Variants in UCKL1 observed in about 807,000 individuals in gnomAD.
UCKL1 encodes the protein uridine-cytidine kinase 1 like 1, also known as uridine-cytidine kinase-like 1.
A neutral mutation model predicts 59.2 loss-of-function variants in UCKL1; 65 were observed. The observed-to-expected ratio is 1.10, with a 90% CI of 0.90 to 1.35. The LOEUF (loss-of-function observed/expected upper bound fraction) is 1.35, where lower values mean the gene tolerates loss of function less well. Among genes scored for constraint, UCKL1 ranks in the 40% most tolerant of loss-of-function variants. UCKL1 has a pLI of 0.00. For synonymous variants in UCKL1, 410 were observed against 323.1 expected, an observed-to-expected ratio of 1.27 and a Z score of -2.88; for missense variants, 703 against 784.3, an observed-to-expected ratio of 0.90 and a Z score of 1.24.
chr20:63,948,960 GCA>G (rs1467795183), intron 1 of UCKL1, among the ~76,000 whole-genome samples: 10 of 145,620 alleles, frequency 6.9e-5, no homozygotes, highest in Non-Finnish European at 7.7e-5. Flanking sequence ...GTGTCCGTGT[GCA>G]CACACAGGGG....
chr20:63,945,529 T>G, intron 5 of UCKL1, 122 bp downstream of exon 5: 1 of 976,926 alleles, frequency 1.0e-6, no homozygotes, highest in South Asian at 1.8e-5. Context: ...GGGTAGGGAG[T>G]GGCTGGCCTA....
rs1193929993 is a variant in UCKL1 at position 63,942,863 on chromosome 20, CGAG to C, written c.923+787_923+789del. On this transcript the variant is annotated intron_variant, in intron 8 of 14. Coordinates refer to ENST00000354216, the MANE Select transcript of UCKL1 (RefSeq NM_017859.4). ...GGACAAGACCTGCGGGTTCCTAGGC[CGAG>C]GAGAGGGCCAAGCGGAGACTCATGC... 1.2e-4 allele frequency: 48 copies of C among 386,758 alleles called. No individual in the cohort carries two copies. The East Asian group carries it at 3.0e-3, about 25-fold the overall frequency. 24.0% of individuals were successfully genotyped at this position (386,758 alleles called of 1,614,324 possible). A position where few individuals can be genotyped will look rare whatever the true frequency, so the allele number is the denominator to read the frequency against.
chr20:63,946,663 C>G lies in UCKL1; in HGVS notation c.114-20G>C. 1 of 1,601,102 alleles carries G rather than the reference C, an allele frequency of 6.2e-7. No homozygotes were observed. The highest frequency in any genetic ancestry group is 8.5e-7 in the Non-Finnish European group (1 of 1,178,228). On this transcript the variant is annotated intron_variant, in intron 1 of 14. Transcript: ENST00000354216. ...TTGCTGCTGCAGAGAGGGATGTACTCGGATGTGGCCCAGAGCTGCCCACCT... is the reference window on the plus strand; with the variant it reads ...TTGCTGCTGCAGAGAGGGATGTACTGGGATGTGGCCCAGAGCTGCCCACCT...
intron 7 of UCKL1, 146 bp downstream of exon 7, chr20:63,944,251 G>T: frequency 1.3e-6 from 1 of 781,032 alleles, no homozygotes; most frequent in Non-Finnish European, 2.0e-6. Context: ...GACTGGCCAA[G>T]CAGGCTCAGG....
At chr20:63,943,795 G>C (rs932677258) in intron 7 of UCKL1, 126 bp from the exon 8 acceptor site, 34 of 1,401,206 alleles carry the variant, frequency 2.4e-5, no homozygotes, top group Non-Finnish European at 3.3e-5. Flanking sequence ...CAGCCATGGG[G>C]GGTGGCAAGC....
At position 63,941,207 on chromosome 20, in the gene UCKL1, C is replaced by A; in HGVS notation, c.925G>T (p.Ala309Ser). 6.6e-7 allele frequency: 1 copy of A among 1,523,564 alleles called. No homozygotes were observed. The allele number at this position is 1,523,564 out of a possible 1,614,324, so 94.4% of individuals were successfully genotyped here. The change falls in exon 9 of 15, where the codon GCT (alanine) becomes TCT (serine). Residue 309 changes from alanine to serine, a missense_variant and splice_region_variant. Physicochemically the swap from Ala to Ser is moderately conservative, Grantham distance 99. Coordinates refer to ENST00000354216, the MANE Select transcript of UCKL1 (RefSeq NM_017859.4). ...CACTGGTGTGCCGAGGCCAGCGCAG[C>A]CCTGGGGACAAACCGATGGGGAACA... ...QLEERELSVR[A>S]ALASAHQCHP...
intron 1 of UCKL1, among the ~76,000 whole-genome samples, chr20:63,952,943 T>A (rs1286423145): frequency 6.6e-6 from 1 of 152,228 alleles, no homozygotes; most frequent in Non-Finnish European, 1.5e-5. Flanking sequence ...ATAACTGATG[T>A]CATCGTCAAG....
intron 2 of UCKL1, 63 bp from the exon 3 acceptor site, chr20:63,946,330 A>G (rs2146537177): frequency 6.5e-7 from 1 of 1,540,338 alleles, no homozygotes; most frequent in Non-Finnish European, 8.8e-7. Flanking sequence ...GATAGGTCCC[A>G]GAGGTGCCCA....
intron 8 of UCKL1, 26 bp downstream of exon 8, chr20:63,943,627 T>G: frequency 1.2e-6 from 2 of 1,609,418 alleles, no homozygotes; most frequent in Non-Finnish European, 1.7e-6. Context: ...TGCCTCCATC[T>G]GTGCAGACAG....
chr20:63,947,931 G>A (rs2056682654), intron 1 of UCKL1, among the ~76,000 whole-genome samples: 1 of 152,248 alleles, frequency 6.6e-6, no homozygotes, highest in African/African-American at 2.4e-5. Context: ...GGCCGTGACT[G>A]GCCATGGAGC....
Position 63,947,291 on chromosome 20 carries a change from C to T in UCKL1, c.114-648G>A, listed in dbSNP as rs560351938. On this transcript the variant is annotated intron_variant, in intron 1 of 14. Transcript: ENST00000354216. Reference sequence around the variant, plus strand: ...GGCACTGGCTGGGCCAGGCTCTGTCCCCTAGGGGACTCAAGGTGGGCCTGT... The same window carrying T: ...GGCACTGGCTGGGCCAGGCTCTGTCTCCTAGGGGACTCAAGGTGGGCCTGT... Among the ~76,000 whole-genome samples the T allele has an allele frequency of 1.1e-4, 17 of 152,346 alleles. 1 individual carries two copies. The East Asian group carries it at 3.1e-3, about 28-fold the overall frequency.
rs765830000 is a variant in UCKL1 at position 63,940,564 on chromosome 20, G to A, written c.1302+30C>T. 6 of 1,604,872 alleles carry A rather than the reference G, an allele frequency of 3.7e-6. No homozygotes were observed. In the East Asian group the frequency reaches 6.7e-5, roughly 18 times the overall value. On this transcript the variant is annotated intron_variant, in intron 12 of 14. Transcript: ENST00000354216. ...TGAGCTCCCTCTGCCCCCTACCCCC[G>A]GGCTCATCACCCCGGCTGCCCCCAG... is the stretch of plus-strand genomic sequence containing the variant.
intron 1 of UCKL1, among the ~76,000 whole-genome samples, chr20:63,950,305 G>A (rs561812316): frequency 6.6e-6 from 1 of 152,336 alleles, no homozygotes; most frequent in East Asian, 1.9e-4. Flanking sequence ...TTGGCCGGGT[G>A]TGGTGGCTCA....
rs201154990 is a variant in UCKL1 at position 63,940,363 on chromosome 20, C to T, written c.1410+15G>A. ...CTCTGCCTGAACCTGCCCCGCCTAC[C>T]CAGGGCTCACTCACCAGGAGCACGC... On this transcript the variant is annotated intron_variant, in intron 13 of 14. Transcript: ENST00000354216. The T allele has an allele frequency of 1.7e-4, 276 of 1,611,676 alleles. 2 individuals carry two copies. The highest frequency in any genetic ancestry group is 3.0e-5 in the Non-Finnish European group (35 of 1,179,202).
Position 63,944,749 on chromosome 20 carries a change from G to A in UCKL1, c.655-15C>T, listed in dbSNP as rs778071617. Reference sequence around the variant, plus strand: ...ATGTCCAGGAGCTGGTGGAGACAGCGGGCCAGTGAGTGGCCAGATGCCAGC... The same window carrying A: ...ATGTCCAGGAGCTGGTGGAGACAGCAGGCCAGTGAGTGGCCAGATGCCAGC... On this transcript the variant is annotated splice_polypyrimidine_tract_variant and intron_variant, in intron 5 of 14. Transcript: ENST00000354216. The A allele has an allele frequency of 1.2e-5, 19 of 1,611,180 alleles. No individual in the cohort carries two copies. The highest frequency in any genetic ancestry group is 6.7e-5 in the East Asian group (3 of 44,886).
At chr20:63,941,672 G>C in intron 8 of UCKL1, 1 of 217,270 alleles carries the variant, frequency 4.6e-6, no homozygotes, top group Non-Finnish European at 1.0e-5. Flanking sequence ...CTCAAGAGAG[G>C]GGGGTGGGGG....
At position 63,939,840 on chromosome 20, in the gene UCKL1, A is replaced by C. The variant is rs545408314; in HGVS notation, c.*136T>G. The stretch of plus-strand genomic sequence containing the variant: ...TAACCAATCACACCTTCATTTTTCT[A>C]AAGCTTTATTTATTTTATAAAATGC... On this transcript the variant is annotated 3_prime_UTR_variant, in exon 15 of 15. Coordinates refer to ENST00000354216, the MANE Select transcript of UCKL1 (RefSeq NM_017859.4). The C allele has an allele frequency of 9.4e-6, 8 of 855,440 alleles. No homozygotes were observed. The highest frequency in any genetic ancestry group is 2.8e-5 in the Admixed American group (1 of 35,274). 53.0% of individuals were successfully genotyped at this position (855,440 alleles called of 1,614,324 possible).
At chr20:63,941,492 C>T (rs1370674948) in intron 8 of UCKL1, 4 of 471,540 alleles carry the variant, frequency 8.5e-6, no homozygotes, top group East Asian at 8.4e-5. Context: ...TGCGGGACCC[C>T]TCCTGCGCTA....
At position 63,940,059 on chromosome 20, in the gene UCKL1, G is replaced by GA; in HGVS notation, c.1568-5dup. The GA allele has an allele frequency of 2.0e-6, 2 of 1,000,792 alleles. No homozygotes were observed. The highest frequency in any genetic ancestry group is 1.4e-6 in the Non-Finnish European group (1 of 691,266). 62.0% of individuals were successfully genotyped at this position (1,000,792 alleles called of 1,614,324 possible). On this transcript the variant is annotated splice_polypyrimidine_tract_variant and splice_region_variant and intron_variant, in intron 14 of 14. Coordinates refer to ENST00000354216, the MANE Select transcript of UCKL1 (RefSeq NM_017859.4). ...AAGTAGCGGTCGCCAAAGTTCCCTG[G>GA]AAAAAGGGGGGGGGGGGTCCAGTGT...
Sources: gnomAD v4.1 joint callset for allele counts (sites outside exome capture counted in the v4.1 genomes callset) on GRCh38, gnomAD v4.1.1 for gene constraint, MANE v1.5 for transcripts, NCBI Gene and HGNC (gene_info 2026-07-23, HGNC 2026-07-21) for gene names.